SSH2: variants seen among roughly 807,000 people sequenced by gnomAD.
SSH2 encodes protein phosphatase Slingshot homolog 2.
In SSH2, 37 loss-of-function variants were observed where a neutral mutation model predicts 135.2. The observed-to-expected ratio is 0.27, with a 90% confidence interval of 0.21 to 0.36. The LOEUF (loss-of-function observed/expected upper bound fraction) is 0.36. SSH2 is among the 10% of genes least tolerant of loss of function. The pLI is 1.00. For synonymous variants in SSH2, 628 were observed against 646.2 expected (o/e 0.97, Z 0.43); for missense variants, 1,408 against 1,765.3 (o/e 0.80, Z 3.63).
At chr17:29,728,268 CA>C (rs1248649413) in intron 3 of SSH2, among the ~76,000 whole-genome samples, 2 of 152,138 alleles carry the variant, frequency 1.3e-5, no homozygotes, top group Admixed American at 1.3e-4. Context: ...CAACAGCAAA[CA>C]ATCTGAAAAC....
chr17:29,907,259 G>A (rs540796673), intron 1 of SSH2, among the ~76,000 whole-genome samples: 1 of 151,574 alleles, frequency 6.6e-6, no homozygotes, highest in South Asian at 2.1e-4. Flanking sequence ...AGTCACACAG[G>A]AACAGAAAAC....
intron 3 of SSH2, among the ~76,000 whole-genome samples, chr17:29,727,844 A>C (rs2151181078): frequency 6.6e-6 from 1 of 152,314 alleles, no homozygotes; most frequent in South Asian, 2.1e-4. Flanking sequence ...AGACAAGAAA[A>C]GAAACAAAGA....
At chr17:29,686,771 C>T (rs1395364951) in intron 5 of SSH2, among the ~76,000 whole-genome samples, 1 of 152,090 alleles carries the variant, frequency 6.6e-6, no homozygotes, top group African/African-American at 2.4e-5. Context: ...TGGGTTCAAG[C>T]GATTCTCCTG....
At chr17:29,828,811 CAA>C (rs2042788726) in intron 2 of SSH2, among the ~76,000 whole-genome samples, 1 of 152,256 alleles carries the variant, frequency 6.6e-6, no homozygotes, top group African/African-American at 2.4e-5. Context: ...TTGTGGGAAA[CAA>C]AGACACACAG....
chr17:29,713,443 G>T lies in SSH2; in HGVS notation c.189-10381C>A, dbSNP rs185276316. On this transcript the variant is annotated intron_variant, in intron 3 of 15. Transcript: ENST00000540801. ...CAAAGCTTGGTATGATGCTTGTTCT[G>T]TTTCTCTTTTTCTTTCTTTTTTTTT... Among the ~76,000 whole-genome samples the T allele has an allele frequency of 2.0e-5, 3 of 152,180 alleles. No individual in the cohort carries two copies. The East Asian group carries it at 5.8e-4, about 29-fold the overall frequency.
intron 5 of SSH2, among the ~76,000 whole-genome samples, chr17:29,686,528 A>ATTT (rs754504171): frequency 1.4e-5 from 2 of 140,886 alleles, no homozygotes; most frequent in Non-Finnish European, 3.1e-5. Flanking sequence ...CGCCCGGCTA[A>ATTT]TTTTTTTTTT....
chr17:29,826,829 A>G (rs1005494603), intron 2 of SSH2, among the ~76,000 whole-genome samples: 2 of 152,218 alleles, frequency 1.3e-5, no homozygotes, highest in African/African-American at 2.4e-5. Flanking sequence ...ACATGGGTCT[A>G]TGGACATATG....
chr17:29,907,080 T>C (rs2066667438), intron 1 of SSH2, among the ~76,000 whole-genome samples: 1 of 152,188 alleles, frequency 6.6e-6, no homozygotes, highest in South Asian at 2.1e-4. Flanking sequence ...ACTGCAGCAC[T>C]ATCCACAGTA....
intron 5 of SSH2, among the ~76,000 whole-genome samples, chr17:29,689,126 C>A (rs1184341730): frequency 1.3e-5 from 2 of 151,054 alleles, no homozygotes; most frequent in Non-Finnish European, 2.9e-5. Context: ...CCACTCCACT[C>A]CAGCCTGGGC....
intron 5 of SSH2, among the ~76,000 whole-genome samples, chr17:29,688,750 G>A (rs144983519): frequency 2.2e-4 from 33 of 152,190 alleles, no homozygotes; most frequent in Admixed American, 6.5e-4. Flanking sequence ...CAGGCCTCTA[G>A]ACAGTACCTA....
At chr17:29,688,301 G>A (rs778393366) in intron 5 of SSH2, among the ~76,000 whole-genome samples, 4 of 152,012 alleles carry the variant, frequency 2.6e-5, no homozygotes, top group Non-Finnish European at 4.4e-5. Context: ...GAGCCACTAC[G>A]CCCGGCCAGA....
intron 8 of SSH2, 36 bp from the exon 9 acceptor site, chr17:29,672,165 T>G (rs781202194): frequency 6.4e-7 from 1 of 1,561,842 alleles, no homozygotes; most frequent in African/African-American, 1.4e-5. Context: ...ACCATAGAAC[T>G]GTGGGGTGCC....
At chr17:29,716,934 T>C (rs1181505743) in intron 3 of SSH2, among the ~76,000 whole-genome samples, 1 of 152,158 alleles carries the variant, frequency 6.6e-6, no homozygotes, top group Non-Finnish European at 1.5e-5. Flanking sequence ...CTGTTCTTCA[T>C]TTAATACCTA....
At chr17:29,905,263 C>A (rs1357668617) in intron 1 of SSH2, among the ~76,000 whole-genome samples, 2 of 152,130 alleles carry the variant, frequency 1.3e-5, no homozygotes, top group African/African-American at 4.8e-5. Context: ...CTACAGTAAC[C>A]AAAACAGCAC....
At chr17:29,892,706 A>G (rs142015723) in intron 1 of SSH2, among the ~76,000 whole-genome samples, 55 of 152,214 alleles carry the variant, frequency 3.6e-4, no homozygotes, top group African/African-American at 1.2e-3. Flanking sequence ...AGAAGTTCCT[A>G]AGGGCATTTC....
intron 5 of SSH2, among the ~76,000 whole-genome samples, chr17:29,689,008 A>T (rs1455416426): frequency 6.6e-6 from 1 of 152,166 alleles, no homozygotes; most frequent in Admixed American, 6.5e-5. Context: ...TACAAAAAAA[A>T]TTAGCTGGGT....
intron 2 of SSH2, among the ~76,000 whole-genome samples, chr17:29,831,942 T>C (rs1388500591): frequency 6.6e-6 from 1 of 152,202 alleles, no homozygotes; most frequent in East Asian, 1.9e-4. Flanking sequence ...TATTTATATA[T>C]AGTTTTTATG....
At position 29,626,170 on chromosome 17, in the gene SSH2, T is replaced by G. The variant is rs1372879694; in HGVS notation, c.*4671A>C. 6.6e-6 allele frequency: 1 copy of G among 151,332 alleles called. No individual in the cohort carries two copies. The highest frequency in any genetic ancestry group is 2.4e-5 in the African/African-American group (1 of 40,902). The allele number at this position is 151,332 out of a possible 1,614,324, so 9.4% of individuals were successfully genotyped here. ...AGATTCCAGGGAGCACCTGCTTTAA[T>G]AAAACATGAGCATAAAAGTTTGGGG... On this transcript the variant is annotated 3_prime_UTR_variant, in exon 16 of 16. Transcript: ENST00000540801.
Position 29,709,015 on chromosome 17 carries a change from T to TATATATATAG in SSH2, c.189-5954_189-5953insCTATATATAT, listed in dbSNP as rs780981175. On this transcript the variant is annotated intron_variant, in intron 3 of 15. Transcript: ENST00000540801. The stretch of plus-strand genomic sequence containing the variant: ...AGAAATATATATATATATATATATA[T>TATATATATAG]AGAGAGAGAGAGAGAGAGAGAGAGA... 4.3e-3 allele frequency among the ~76,000 whole-genome samples: 350 copies of TATATATATAG among 81,576 alleles called. 7 individuals are homozygous for TATATATATAG. Among genetic ancestry groups the TATATATATAG allele is most frequent in the East Asian group, 0.029 (65 of 2,206 alleles). The allele number at this position is 81,576 out of a possible 152,430, so 53.5% of individuals were successfully genotyped here. A position where few individuals can be genotyped will look rare whatever the true frequency, so the allele number is the denominator to read the frequency against.
Sources: gnomAD v4.1 joint callset for allele counts (sites outside exome capture counted in the v4.1 genomes callset) on GRCh38, gnomAD v4.1.1 for gene constraint, MANE v1.5 for transcripts, NCBI Gene and HGNC (gene_info 2026-07-23, HGNC 2026-07-21) for gene names.